ADAMTS18: variants seen among roughly 807,000 people sequenced by gnomAD.
The protein encoded by ADAMTS18 is A disintegrin and metalloproteinase with thrombospondin motifs 18.
A neutral mutation model predicts 165.9 loss-of-function variants in ADAMTS18; 157 were observed. The observed-to-expected ratio is 0.95, with a 90% CI of 0.83 to 1.08. The LOEUF is 1.08. ADAMTS18 is among the 50% of genes least tolerant of loss of function. The pLI, the probability that ADAMTS18 is intolerant of heterozygous loss-of-function variation, is 0.00. For synonymous variants in ADAMTS18, 782 were observed against 578.2 expected, an observed-to-expected ratio of 1.35 and a Z score of -5.06; for missense variants, 2,040 against 1,534.0, an observed-to-expected ratio of 1.33 and a Z score of -5.51.
chr16:77,383,342 G>C (rs2057059376), intron 3 of ADAMTS18, among the ~76,000 whole-genome samples: 1 of 152,044 alleles, frequency 6.6e-6, no homozygotes, highest in Non-Finnish European at 1.5e-5. Context: ...TCCAAATGCA[G>C]CATCTAGTAG....
chr16:77,390,637 T>A (rs1597214256), intron 3 of ADAMTS18, among the ~76,000 whole-genome samples: 1 of 149,196 alleles, frequency 6.7e-6, no homozygotes, highest in Non-Finnish European at 1.5e-5. Flanking sequence ...TTGCAGTGAG[T>A]GGAGATCGCA....
chr16:77,317,156 G>C (rs905208542), intron 16 of ADAMTS18, among the ~76,000 whole-genome samples: 9 of 151,880 alleles, frequency 5.9e-5, no homozygotes, highest in African/African-American at 2.2e-4. Flanking sequence ...ACCACAATCT[G>C]TACATCTGCC....
intron 9 of ADAMTS18, among the ~76,000 whole-genome samples, chr16:77,354,769 A>G (rs898018983): frequency 6.6e-6 from 1 of 152,236 alleles, no homozygotes; most frequent in Non-Finnish European, 1.5e-5. Flanking sequence ...TGCTGCTGTT[A>G]TCATTATTAT....
intron 3 of ADAMTS18, among the ~76,000 whole-genome samples, chr16:77,407,845 T>C (rs910283320): frequency 6.6e-6 from 1 of 152,106 alleles, no homozygotes; most frequent in African/African-American, 2.4e-5. Flanking sequence ...GAATTTTACA[T>C]TGGAAAATAT....
intron 3 of ADAMTS18, among the ~76,000 whole-genome samples, chr16:77,381,211 T>C (rs1242511980): frequency 1.3e-5 from 2 of 151,006 alleles, no homozygotes; most frequent in African/African-American, 4.9e-5. Context: ...TTAACACTTC[T>C]ATATCAGGGG....
At chr16:77,355,202 T>TTGTGTGTGTA (rs2056610887) in intron 9 of ADAMTS18, among the ~76,000 whole-genome samples, 1 of 146,598 alleles carries the variant, frequency 6.8e-6, no homozygotes, top group South Asian at 2.2e-4. Flanking sequence ...AAAGGTAGGA[T>TTGTGTGTGTA]TGTGTGTGTG....
At chr16:77,377,530 G>A (rs981988740) in intron 3 of ADAMTS18, among the ~76,000 whole-genome samples, 2 of 152,170 alleles carry the variant, frequency 1.3e-5, no homozygotes, top group Non-Finnish European at 2.9e-5. Flanking sequence ...TCTTAAAGAA[G>A]TATTTGAAAT....
intron 10 of ADAMTS18, among the ~76,000 whole-genome samples, chr16:77,343,294 G>A (rs2056427497): frequency 6.6e-6 from 1 of 152,100 alleles, no homozygotes; most frequent in Non-Finnish European, 1.5e-5. Context: ...GGCTGGTCTC[G>A]AACTCCCAAC....
intron 6 of ADAMTS18, among the ~76,000 whole-genome samples, chr16:77,363,286 T>C (rs914751283): frequency 2.0e-5 from 3 of 152,182 alleles, no homozygotes; most frequent in Non-Finnish European, 4.4e-5. Flanking sequence ...AAATATCCCT[T>C]GTTTATTCCC....
In ADAMTS18 at chr16:77,341,745, A is replaced by G; in HGVS notation, c.1669T>C (p.Phe557Leu). Residue 557 changes from phenylalanine to leucine, a missense_variant, in exon 11 of 23, where the codon TTT (phenylalanine) becomes CTT (leucine). By Grantham distance (22) the Phe-to-Leu change is conservative. Transcript: ENST00000282849. The stretch of plus-strand genomic sequence containing the variant: ...ACGGTCCCTTCTGCTGCGGGCATAA[A>G]CTTGGTCTCACACCTGTGGCCTACT... Reference protein sequence around the residue: ...HRVGHRCETKFMPAAEGTVCG... With the variant: ...HRVGHRCETKLMPAAEGTVCG... The G allele has an allele frequency of 3.1e-6, 5 of 1,613,796 alleles. No homozygotes were observed. The highest frequency in any genetic ancestry group is 4.2e-6 in the Non-Finnish European group (5 of 1,179,874).
At chr16:77,293,623 G>A (rs35457602) in intron 19 of ADAMTS18, among the ~76,000 whole-genome samples, 16,272 of 151,412 alleles carry the variant, frequency 0.11, 1,204 homozygotes, top group Admixed American at 0.22. Context: ...ATTCCCTAAC[G>A]TATCAGTCTC....
chr16:77,378,852 C>T (rs1451613413), intron 3 of ADAMTS18: 1 of 152,104 alleles, frequency 6.6e-6, no homozygotes, highest in South Asian at 2.1e-4. Flanking sequence ...GAAGTCTGGC[C>T]TTTTTCTAAC....
intron 22 of ADAMTS18, among the ~76,000 whole-genome samples, chr16:77,288,851 A>C (rs949375927): frequency 6.6e-6 from 1 of 152,168 alleles, no homozygotes; most frequent in African/African-American, 2.4e-5. Context: ...GTGGCTTGTG[A>C]CAGTAAACCC....
intron 3 of ADAMTS18, among the ~76,000 whole-genome samples, chr16:77,399,323 T>C (rs888328905): frequency 3.9e-5 from 6 of 152,164 alleles, no homozygotes; most frequent in Non-Finnish European, 5.9e-5. Context: ...GCCAGAGAGA[T>C]GGAGAGACAC....
chr16:77,381,923 A>C (rs1349620659), intron 3 of ADAMTS18, among the ~76,000 whole-genome samples: 1 of 152,190 alleles, frequency 6.6e-6, no homozygotes, highest in Non-Finnish European at 1.5e-5. Flanking sequence ...GGATCCAGAC[A>C]TACCTGGCTC....
At chr16:77,381,834 T>A (rs2057035660) in intron 3 of ADAMTS18, among the ~76,000 whole-genome samples, 1 of 151,508 alleles carries the variant, frequency 6.6e-6, no homozygotes, top group African/African-American at 2.4e-5. Context: ...CAAATCAGAG[T>A]CCTCTCAATT....
At chr16:77,324,544 C>A (rs544451465) in intron 13 of ADAMTS18, among the ~76,000 whole-genome samples, 20 of 152,190 alleles carry the variant, frequency 1.3e-4, no homozygotes, top group African/African-American at 4.3e-4. Context: ...CTTGTGGAAC[C>A]TAAATTCTTG....
rs563988984 is a variant in ADAMTS18, at chr16:77,318,954, GA to G, written c.2532+894del. Among the ~76,000 whole-genome samples the G allele has an allele frequency of 3.3e-5, 5 of 152,302 alleles. No homozygotes were observed. In the East Asian group the frequency reaches 9.7e-4, roughly 29 times the overall value. On this transcript the variant is annotated intron_variant, in intron 16 of 22. Coordinates refer to ENST00000282849, the MANE Select transcript of ADAMTS18 (RefSeq NM_199355.4). ...CAGTCAGCCCCATTTTACAAATGGA[GA>G]AAAAGCACTCAGAGACATCATGAGG...
At chr16:77,348,105 C>A (rs192748450) in intron 10 of ADAMTS18, among the ~76,000 whole-genome samples, 2 of 152,026 alleles carry the variant, frequency 1.3e-5, no homozygotes, top group African/African-American at 4.8e-5. Context: ...GACTCTAAAA[C>A]CAGGGCCTTT....
Sources: gnomAD v4.1 joint callset for allele counts (sites outside exome capture counted in the v4.1 genomes callset) on GRCh38, gnomAD v4.1.1 for gene constraint, MANE v1.5 for transcripts, NCBI Gene and HGNC (gene_info 2026-07-23, HGNC 2026-07-21) for gene names.